The following TACC2 variants were observed in gnomAD, a reference collection of about 807,000 sequenced individuals.
The protein encoded by TACC2 is transforming acidic coiled-coil containing protein 2.
TACC2 carries 137 observed loss-of-function variants against 227.3 expected under a neutral mutation model. That is an observed-to-expected ratio of 0.60 (90% CI 0.52 to 0.69). The LOEUF is 0.69. Ranked by LOEUF, TACC2 falls within the 30% of genes least tolerant of loss-of-function variation. The pLI, the probability that TACC2 is intolerant of heterozygous loss-of-function variation, is 0.00. For missense variants in TACC2, 3,470 were observed against 3,694.4 expected, an observed-to-expected ratio of 0.94 and a Z score of 1.57; for synonymous variants, 1,523 against 1,487.5, an observed-to-expected ratio of 1.02 and a Z score of -0.55.
chr10:122,188,224 G>A (rs540641412), intron 7 of TACC2, among the ~76,000 whole-genome samples: 1 of 152,100 alleles, frequency 6.6e-6, no homozygotes, highest in Admixed American at 6.6e-5. Flanking sequence ...TTCAGATGTG[G>A]TTCCTTAGCC....
intron 7 of TACC2, among the ~76,000 whole-genome samples, chr10:122,151,128 A>G (rs1276425062): frequency 1.3e-5 from 2 of 152,074 alleles, no homozygotes; most frequent in East Asian, 1.9e-4. Context: ...CCCCACTCCA[A>G]CTCCCAGCAG....
rs2139462544 is a variant in TACC2, at chr10:122,150,541, C to T, written c.5834+6835C>T. On this transcript the variant is annotated intron_variant, in intron 7 of 22. Coordinates refer to ENST00000369005, the MANE Select transcript of TACC2 (RefSeq NM_206862.4). This position sits in a 1 kb window ranked among gnomAD's most constrained non-coding sequence, Gnocchi z 4.0. ...AATGCGTGCTCTCCAGCCCTCAGACCCAGTGGAGGTGCAGAAAGAGGGGTG... is the reference window on the plus strand; with the variant it reads ...AATGCGTGCTCTCCAGCCCTCAGACTCAGTGGAGGTGCAGAAAGAGGGGTG... Among the ~76,000 whole-genome samples the T allele has an allele frequency of 6.6e-6, 1 of 152,254 alleles. No homozygotes were observed. Among genetic ancestry groups the T allele is most frequent in the South Asian group, 2.1e-4 (1 of 4,824 alleles).
intron 6 of TACC2, 75 bp downstream of exon 6, chr10:122,132,809 C>T (rs1215649055): frequency 6.8e-7 from 1 of 1,474,166 alleles, no homozygotes; most frequent in Non-Finnish European, 9.4e-7. Flanking sequence ...CCGCTCCCCT[C>T]CCTTCCCCTC....
At chr10:122,230,020 A>G (rs927039413) in intron 15 of TACC2, among the ~76,000 whole-genome samples, 1 of 152,220 alleles carries the variant, frequency 6.6e-6, no homozygotes, top group Non-Finnish European at 1.5e-5. Context: ...CATTCATGGA[A>G]ACTATTGGCC....
In TACC2 at chr10:122,249,637, C is replaced by G. The variant is rs780060707; in HGVS notation, c.8754C>G (p.Asp2918Glu). Reference sequence around the variant, plus strand: ...TGCGGAAGGAGCAGCTGCGAGTGGACGCCCTGGAAAGGACGCTGGAGCAGA... The same window carrying G: ...TGCGGAAGGAGCAGCTGCGAGTGGAGGCCCTGGAAAGGACGCTGGAGCAGA... ...ASLRKEQLRV[D>E]ALERTLEQKN... Residue 2918 changes from aspartate to glutamate, a missense_variant, in exon 22 of 23, where the codon GAC becomes GAG. Coordinates refer to ENST00000369005, the MANE Select transcript of TACC2 (RefSeq NM_206862.4). 1 of 1,613,758 alleles carries G rather than the reference C, an allele frequency of 6.2e-7. No individual in the cohort carries two copies. Among genetic ancestry groups the G allele is most frequent in the South Asian group, 1.1e-5 (1 of 91,014 alleles).
At chr10:122,133,631 T>C (rs1415001454) in intron 6 of TACC2, among the ~76,000 whole-genome samples, 1 of 152,150 alleles carries the variant, frequency 6.6e-6, no homozygotes, top group East Asian at 1.9e-4. Context: ...GGGGAAGCCA[T>C]GGTGAATAGG....
chr10:122,098,393 T>C (rs1159015756), intron 5 of TACC2, among the ~76,000 whole-genome samples: 1 of 152,202 alleles, frequency 6.6e-6, no homozygotes, highest in Admixed American at 6.5e-5. Flanking sequence ...ACGTGTTTGC[T>C]ACATAATTCA....
intron 7 of TACC2, among the ~76,000 whole-genome samples, chr10:122,173,436 C>G (rs929571964): frequency 6.6e-6 from 1 of 152,254 alleles, no homozygotes; most frequent in African/African-American, 2.4e-5. Flanking sequence ...TGCCCCTTAA[C>G]AGCTCAGATC....
At chr10:122,228,938 A>G (rs796997813) in intron 14 of TACC2, among the ~76,000 whole-genome samples, 7 of 152,184 alleles carry the variant, frequency 4.6e-5, no homozygotes, top group African/African-American at 1.7e-4. Flanking sequence ...TCTTTCCGTG[A>G]TTTAGAAAAT....
intron 3 of TACC2, among the ~76,000 whole-genome samples, chr10:122,078,363 T>C (rs1487137669): frequency 6.6e-6 from 1 of 152,152 alleles, no homozygotes; most frequent in East Asian, 1.9e-4. Flanking sequence ...GCTGGCCTCC[T>C]TCCTCCCTTT....
In TACC2 at chr10:122,031,880, C is replaced by CT. The variant is rs372358100; in HGVS notation, c.33+9873dup. Among the ~76,000 whole-genome samples the CT allele has an allele frequency of 3.3e-3, 495 of 151,782 alleles. 2 individuals carry two copies. The highest frequency in any genetic ancestry group is 0.011 in the African/African-American group (466 of 41,408). ...CCGCCACACCTGGCTAATTTTTGTA[C>CT]TTTTTTTAGTAGAGATGCGGTCTCA... On this transcript the variant is annotated intron_variant, in intron 2 of 22. Transcript: ENST00000369005.
chr10:122,108,442 CTTTTTTTT>C (rs34097153), intron 5 of TACC2, among the ~76,000 whole-genome samples: 7 of 90,022 alleles, frequency 7.8e-5, no homozygotes, highest in Non-Finnish European at 1.2e-4. Flanking sequence ...GTCATATTTT[CTTTTTTTT>C]TTTTTTTTTT....
At chr10:122,020,706 C>G (rs1460989504) in intron 1 of TACC2, among the ~76,000 whole-genome samples, 1 of 152,108 alleles carries the variant, frequency 6.6e-6, no homozygotes, top group Non-Finnish European at 1.5e-5. Context: ...AGCTCCTTAC[C>G]TTTTCCAGCC....
In TACC2 at chr10:122,032,967, CAACAA is replaced by C. The variant is rs1007068031; in HGVS notation, c.33+10959_33+10963del. The C allele has an allele frequency of 1.7e-3, 862 of 511,594 alleles. 4 individuals are homozygous for C. The highest frequency in any genetic ancestry group is 0.015 in the South Asian group (844 of 57,572). 31.7% of individuals were successfully genotyped at this position (511,594 alleles called of 1,614,324 possible). A position where few individuals can be genotyped will look rare whatever the true frequency, so the allele number is the denominator to read the frequency against. On this transcript the variant is annotated intron_variant, in intron 2 of 22. Coordinates refer to ENST00000369005, the MANE Select transcript of TACC2 (RefSeq NM_206862.4). Reference sequence around the variant, plus strand: ...ACAGCAAGACTCTGTCTCAACAAAACAACAAAACAACAACAACAACAACAACAACA... The same window carrying C: ...ACAGCAAGACTCTGTCTCAACAAAACAACAACAACAACAACAACAACAACA...
At position 122,141,249 on chromosome 10, in the gene TACC2, G is replaced by A. The variant is rs10887090; in HGVS notation, c.5700-2323G>A. ...TGTCTGTGGGGGCCCATGTGTTAGC[G>A]CTTGGGCTTGGATGGTGAGTCACTG... On this transcript the variant is annotated intron_variant, in intron 6 of 22. Coordinates refer to ENST00000369005, the MANE Select transcript of TACC2 (RefSeq NM_206862.4). This position sits in a 1 kb window ranked among gnomAD's most constrained non-coding sequence, Gnocchi z 4.3. Among the ~76,000 whole-genome samples, 5,486 of 152,244 alleles carry A rather than the reference G, an allele frequency of 0.036. 138 individuals carry two copies. The highest frequency in any genetic ancestry group is 0.068 in the Middle Eastern group (20 of 294).
At chr10:122,176,537 G>A (rs140849592) in intron 7 of TACC2, among the ~76,000 whole-genome samples, 84 of 152,222 alleles carry the variant, frequency 5.5e-4, no homozygotes, top group African/African-American at 1.6e-3. Flanking sequence ...ATCAAGAGTC[G>A]TAGCATTTTA....
chr10:122,099,626 T>G (rs979588109), intron 5 of TACC2, among the ~76,000 whole-genome samples: 8 of 152,222 alleles, frequency 5.3e-5, no homozygotes, highest in Non-Finnish European at 1.2e-4. Flanking sequence ...CTGGCCCAAC[T>G]GGCTTTTGCT....
At chr10:122,082,127 G>A (rs1293199358) in intron 3 of TACC2, among the ~76,000 whole-genome samples, 3 of 152,140 alleles carry the variant, frequency 2.0e-5, no homozygotes, top group Non-Finnish European at 2.9e-5. Flanking sequence ...GAGCAACATG[G>A]CAAGACCCCA....
At chr10:122,091,061 G>A (rs976809146) in intron 5 of TACC2, among the ~76,000 whole-genome samples, 1 of 152,118 alleles carries the variant, frequency 6.6e-6, no homozygotes, top group East Asian at 1.9e-4. Flanking sequence ...CTTCATGGCT[G>A]AAATTGCATG....
Sources: gnomAD v4.1 joint callset for allele counts (sites outside exome capture counted in the v4.1 genomes callset) on GRCh38, gnomAD v4.1.1 for gene constraint, Gnocchi (gnomAD v3.1) non-coding constraint, MANE v1.5 for transcripts, NCBI Gene and HGNC (gene_info 2026-07-23, HGNC 2026-07-21) for gene names.